DNAH9: variants seen among roughly 807,000 people sequenced by gnomAD.
DNAH9 encodes dynein axonemal heavy chain 9.
DNAH9 carries 345 observed loss-of-function variants against 471.6 expected under a neutral mutation model. That is an observed-to-expected ratio of 0.73 (90% CI 0.67 to 0.80). The LOEUF (loss-of-function observed/expected upper bound fraction) is 0.80. Among genes scored for constraint, DNAH9 ranks in the 30% least tolerant of loss-of-function variants. The pLI, the probability that DNAH9 is intolerant of heterozygous loss-of-function variation, is 0.00. For missense variants in DNAH9, 5,407 were observed against 5,609.2 expected (o/e 0.96, Z 1.15); for synonymous variants, 2,093 against 2,123.6 (o/e 0.99, Z 0.40).
intron 14 of DNAH9, among the ~76,000 whole-genome samples, chr17:11,661,269 A>AT (rs532918689): frequency 2.6e-5 from 4 of 151,750 alleles, no homozygotes; most frequent in African/African-American, 9.7e-5. Flanking sequence ...TACTTTTTGT[A>AT]TTTTGCATCT....
chr17:11,867,024 C>G (rs546666435), intron 50 of DNAH9, among the ~76,000 whole-genome samples: 5 of 152,338 alleles, frequency 3.3e-5, no homozygotes, highest in African/African-American at 1.2e-4. Context: ...TGCGCTGCAC[C>G]CACTGACCTG....
rs182381617 is a variant in DNAH9, at chr17:11,652,042, A to G, written c.2353+718A>G. Among the ~76,000 whole-genome samples, 5 of 152,362 alleles carry G rather than the reference A, an allele frequency of 3.3e-5. No individual in the cohort carries two copies. In the East Asian group the frequency reaches 9.6e-4, roughly 29 times the overall value. Reference sequence around the variant, plus strand: ...TGATTCATGAAAGTCTTAGAATGCCATATTAAACAAGTTAGAACTTTATTT... The same window carrying G: ...TGATTCATGAAAGTCTTAGAATGCCGTATTAAACAAGTTAGAACTTTATTT... On this transcript the variant is annotated intron_variant, in intron 13 of 68. Coordinates refer to ENST00000262442, the MANE Select transcript of DNAH9 (RefSeq NM_001372.4).
chr17:11,619,960 T>C, intron 6 of DNAH9, 179 bp downstream of exon 6: 1 of 582,298 alleles, frequency 1.7e-6, no homozygotes, highest in South Asian at 2.1e-5. Flanking sequence ...GTAATCCCAC[T>C]AGCACTTTGG....
In DNAH9 at chr17:11,768,601, A is replaced by G. The variant is rs1968067732; in HGVS notation, c.7319A>G (p.Glu2440Gly). 1 of 1,613,856 alleles carries G rather than the reference A, an allele frequency of 6.2e-7. No homozygotes were observed. The highest frequency in any genetic ancestry group is 1.3e-5 in the African/African-American group (1 of 74,870). ...EPWSKLVPQF[E>G]FDPEMPLQAC... ...TGGTCCAAGCTCGTCCCCCAGTTCGAATTTGACCCCGAGATGCCCTTGCAG... is the reference window on the plus strand; with the variant it reads ...TGGTCCAAGCTCGTCCCCCAGTTCGGATTTGACCCCGAGATGCCCTTGCAG... Residue 2440 changes from glutamate to glycine, a missense_variant, in exon 37 of 69, where the codon GAA becomes GGA. Transcript: ENST00000262442.
intron 14 of DNAH9, among the ~76,000 whole-genome samples, chr17:11,655,291 C>G (rs949737309): frequency 6.6e-6 from 1 of 151,676 alleles, no homozygotes; most frequent in Non-Finnish European, 1.5e-5. Context: ...TCTCCAAGTC[C>G]ATCCAGGTTG....
intron 1 of DNAH9, among the ~76,000 whole-genome samples, chr17:11,606,443 C>CTTTT (rs1404986645): frequency 0.014 from 934 of 69,042 alleles, 157 homozygotes; most frequent in African/African-American, 0.03. Context: ...CTTTTCTTTT[C>CTTTT]TTTTCTTTTC....
At chr17:11,888,228 C>T (rs1972944843) in intron 57 of DNAH9, among the ~76,000 whole-genome samples, 1 of 152,144 alleles carries the variant, frequency 6.6e-6, no homozygotes, top group South Asian at 2.1e-4. Context: ...TCGTGATCCG[C>T]CCGCCTCGGC....
chr17:11,858,175 TAGTA>T (rs1209284580), intron 50 of DNAH9, among the ~76,000 whole-genome samples: 6 of 152,178 alleles, frequency 3.9e-5, no homozygotes, highest in African/African-American at 1.2e-4. Context: ...ATAAAAATAA[TAGTA>T]AGAACAAAGG....
At chr17:11,911,166 T>G (rs1390293403) in intron 61 of DNAH9, among the ~76,000 whole-genome samples, 2 of 152,232 alleles carry the variant, frequency 1.3e-5, no homozygotes, top group African/African-American at 4.8e-5. Context: ...ATTTTTACTT[T>G]TTGTTATTAC....
intron 24 of DNAH9, among the ~76,000 whole-genome samples, chr17:11,703,102 A>AG (rs1555569585): frequency 5.9e-5 from 9 of 151,430 alleles, no homozygotes; most frequent in African/African-American, 9.7e-5. Flanking sequence ...AAAAAAAAAA[A>AG]AAAAGAAAAG....
rs981256091 is a variant in DNAH9, at chr17:11,752,143, T to C, written c.6611-690T>C. 2.6e-5 allele frequency among the ~76,000 whole-genome samples: 4 copies of C among 152,222 alleles called. No individual in the cohort carries two copies. In the South Asian group the frequency reaches 8.3e-4, roughly 32 times the overall value. On this transcript the variant is annotated intron_variant, in intron 32 of 68. Transcript: ENST00000262442. ...TATTAACTAGGGAAGTTTAATATCATAAAAATCAATTCTGCCCAAATTAAT... is the reference window on the plus strand; with the variant it reads ...TATTAACTAGGGAAGTTTAATATCACAAAAATCAATTCTGCCCAAATTAAT...
intron 49 of DNAH9, among the ~76,000 whole-genome samples, chr17:11,838,503 A>G (rs1050653706): frequency 1.8e-4 from 28 of 152,198 alleles, no homozygotes; most frequent in African/African-American, 6.8e-4. Context: ...TAGTATAAAG[A>G]TAAGTATTTT....
chr17:11,631,167 GA>G (rs1162757966), intron 7 of DNAH9, among the ~76,000 whole-genome samples: 2 of 151,812 alleles, frequency 1.3e-5, no homozygotes, highest in Non-Finnish European at 1.5e-5. Flanking sequence ...GTAGCCCCAG[GA>G]AAGCCTCAAC....
rs1034392075 is a variant in DNAH9 at position 11,892,286 on chromosome 17, G to A, written c.11283+339G>A. The stretch of plus-strand genomic sequence containing the variant: ...GATGAAACCATACCAATAACCAGAC[G>A]CTTTTTGAAATGCTGTAAGAAATTT... On this transcript the variant is annotated intron_variant, in intron 58 of 68. Coordinates refer to ENST00000262442, the MANE Select transcript of DNAH9 (RefSeq NM_001372.4). The surrounding 1 kb of genome is among the most constrained non-coding windows in gnomAD (Gnocchi z 4.3). Among the ~76,000 whole-genome samples the A allele has an allele frequency of 6.6e-6, 1 of 152,126 alleles. No individual in the cohort carries two copies. The highest frequency in any genetic ancestry group is 1.5e-5 in the Non-Finnish European group (1 of 68,034).
chr17:11,621,277 G>A (rs553049459), intron 6 of DNAH9, among the ~76,000 whole-genome samples: 9 of 151,700 alleles, frequency 5.9e-5, no homozygotes, highest in Non-Finnish European at 1.0e-4. Context: ...GTGTGGTGGC[G>A]GGCGCCTGTA....
Position 11,794,036 on chromosome 17 carries a change from A to ATTTTTTT in DNAH9, c.8223+392_8223+398dup, listed in dbSNP as rs35741238. Among the ~76,000 whole-genome samples the ATTTTTTT allele has an allele frequency of 4.6e-4, 37 of 80,896 alleles. 1 individual carries two copies. Among genetic ancestry groups the ATTTTTTT allele is most frequent in the African/African-American group, 1.6e-3 (31 of 19,636 alleles). The allele number at this position is 80,896 out of a possible 152,430, so 53.1% of individuals were successfully genotyped here. ...TGCTAATAACTGGAAATTTTGAGCA[A>ATTTTTTT]TTTTTTTTTTTTTTTTTTTTTTTTT... On this transcript the variant is annotated intron_variant, in intron 42 of 68. Transcript: ENST00000262442.
intron 17 of DNAH9, among the ~76,000 whole-genome samples, chr17:11,670,199 G>A (rs1444563377): frequency 6.6e-5 from 10 of 152,126 alleles, no homozygotes; most frequent in African/African-American, 2.2e-4. Flanking sequence ...GGGCAATATG[G>A]ATGTCACTAA....
intron 12 of DNAH9, among the ~76,000 whole-genome samples, chr17:11,650,264 G>T (rs2073478165): frequency 6.6e-6 from 1 of 152,142 alleles, no homozygotes; most frequent in Non-Finnish European, 1.5e-5. Context: ...GGGAGATAGG[G>T]AGAACCTGGG....
At chr17:11,723,754 A>G (rs1597545495) in intron 27 of DNAH9, among the ~76,000 whole-genome samples, 1 of 151,154 alleles carries the variant, frequency 6.6e-6, no homozygotes. Flanking sequence ...TGCAAGCTCC[A>G]CCTCCTGGGT....
Sources: gnomAD v4.1 joint callset for allele counts (sites outside exome capture counted in the v4.1 genomes callset) on GRCh38, gnomAD v4.1.1 for gene constraint, Gnocchi (gnomAD v3.1) non-coding constraint, MANE v1.5 for transcripts, NCBI Gene and HGNC (gene_info 2026-07-23, HGNC 2026-07-21) for gene names.